The following STYX variants were observed in gnomAD, a reference collection of about 807,000 sequenced individuals.
The protein encoded by STYX is serine/threonine/tyrosine-interacting protein.
Under a neutral mutation model 42.7 loss-of-function variants are expected in STYX, and 20 were observed. The ratio of observed to expected loss-of-function variants is 0.47; its 90% CI spans 0.33 to 0.68. The LOEUF (loss-of-function observed/expected upper bound fraction) is 0.68. STYX is among the 30% of genes least tolerant of loss of function. The pLI is 0.02. For missense variants in STYX, 226 were observed against 268.5 expected, an observed-to-expected ratio of 0.84 and a Z score of 1.11; for synonymous variants, 78 against 81.9, an observed-to-expected ratio of 0.95 and a Z score of 0.26.
chr14:52,751,317 A>G (rs1319509931), intron 4 of STYX, among the ~76,000 whole-genome samples: 1 of 152,166 alleles, frequency 6.6e-6, no homozygotes, highest in Non-Finnish European at 1.5e-5. Flanking sequence ...CTATACTAAA[A>G]TTTATTCAAT....
intron 1 of STYX, among the ~76,000 whole-genome samples, chr14:52,743,689 T>C (rs1297686918): frequency 6.6e-6 from 1 of 152,194 alleles, no homozygotes. Context: ...CCTAAAATTG[T>C]TTCAAAATAA....
rs187648176 is a variant in STYX, at chr14:52,752,195, G to A, written c.242+1415G>A. Among the ~76,000 whole-genome samples the A allele has an allele frequency of 7.1e-4, 107 of 150,616 alleles. 1 individual carries two copies. The highest frequency in any genetic ancestry group is 2.6e-3 in the African/African-American group (106 of 40,952). The stretch of plus-strand genomic sequence containing the variant: ...CAAAACAAAACAAAAAAAAAACAGC[G>A]CTGTGGCTTACACCTATAATCCCAG... On this transcript the variant is annotated intron_variant, in intron 4 of 10. Coordinates refer to ENST00000354586, the MANE Select transcript of STYX (RefSeq NM_145251.4).
intron 9 of STYX, among the ~76,000 whole-genome samples, chr14:52,763,868 T>C (rs921959291): frequency 6.6e-6 from 1 of 152,350 alleles, no homozygotes; most frequent in Non-Finnish European, 1.5e-5. Flanking sequence ...TTTACTATAT[T>C]GTGTTTATTT....
At chr14:52,739,904 A>G (rs954916568) in intron 1 of STYX, among the ~76,000 whole-genome samples, 3 of 151,884 alleles carry the variant, frequency 2.0e-5, no homozygotes, top group African/African-American at 7.2e-5. Context: ...AGCCTTCCAA[A>G]GGGCTGGGAT....
intron 3 of STYX, among the ~76,000 whole-genome samples, chr14:52,748,669 G>C (rs1481251137): frequency 1.3e-5 from 2 of 152,110 alleles, no homozygotes; most frequent in African/African-American, 4.8e-5. Context: ...GCTCTATTTT[G>C]ATAGTTTATT....
intron 1 of STYX, among the ~76,000 whole-genome samples, chr14:52,741,210 T>TTA (rs537656982): frequency 0.012 from 1,758 of 143,640 alleles, 18 homozygotes; most frequent in Non-Finnish European, 0.015. Flanking sequence ...ATATATGTTT[T>TTA]TATATATATA....
At chr14:52,731,865 T>C (rs1880718358) in intron 1 of STYX, among the ~76,000 whole-genome samples, 1 of 151,504 alleles carries the variant, frequency 6.6e-6, no homozygotes, top group Admixed American at 6.6e-5. Flanking sequence ...TGATCTCGGT[T>C]CACTGCAGTC....
intron 9 of STYX, among the ~76,000 whole-genome samples, chr14:52,767,970 C>T (rs1882375322): frequency 6.6e-6 from 1 of 152,156 alleles, no homozygotes; most frequent in South Asian, 2.1e-4. Context: ...CTTAAACAGC[C>T]TGCTGCTTGC....
intron 9 of STYX, among the ~76,000 whole-genome samples, chr14:52,763,746 T>C (rs1486798071): frequency 6.6e-6 from 1 of 152,206 alleles, no homozygotes; most frequent in African/African-American, 2.4e-5. Context: ...GTAGTTGTTT[T>C]CATGAATTTT....
At position 52,730,336 on chromosome 14, in the gene STYX, T is replaced by C. The variant is rs1270523496; in HGVS notation, c.-139T>C. On this transcript the variant is annotated 5_prime_UTR_variant, in exon 1 of 11. Transcript: ENST00000354586. ...TCACTGGGACCCTGTAGTCTGCGTG[T>C]GTTAGTTGTAATCCCGCCGCCCTCC... 1 of 781,344 alleles carries C rather than the reference T, an allele frequency of 1.3e-6. No homozygotes were observed. The highest frequency in any genetic ancestry group is 2.2e-6 in the Non-Finnish European group (1 of 463,316). The allele number at this position is 781,344 out of a possible 1,614,324, so 48.4% of individuals were successfully genotyped here. A position where few individuals can be genotyped will look rare whatever the true frequency, so the allele number is the denominator to read the frequency against.
rs1290534589 is a variant in STYX at position 52,759,665 on chromosome 14, T to C, written c.432-17T>C. On this transcript the variant is annotated splice_polypyrimidine_tract_variant and intron_variant, in intron 8 of 10. Transcript: ENST00000354586. ...TTAAATAATGCTATCACATTAACACTCTTTTTCTGTTTTCAGAGATGCTTT... is the reference window on the plus strand; with the variant it reads ...TTAAATAATGCTATCACATTAACACCCTTTTTCTGTTTTCAGAGATGCTTT... 6 of 1,544,554 alleles carry C rather than the reference T, an allele frequency of 3.9e-6. No homozygotes were observed. The highest frequency in any genetic ancestry group is 5.4e-6 in the Non-Finnish European group (6 of 1,119,760).
chr14:52,738,266 G>A (rs1322344174), intron 1 of STYX, among the ~76,000 whole-genome samples: 1 of 152,136 alleles, frequency 6.6e-6, no homozygotes, highest in Non-Finnish European at 1.5e-5. Flanking sequence ...TCTGAAGAAG[G>A]CTTCTTATCT....
chr14:52,737,322 T>G (rs1182074722), intron 1 of STYX, among the ~76,000 whole-genome samples: 1 of 152,236 alleles, frequency 6.6e-6, no homozygotes, highest in African/African-American at 2.4e-5. Flanking sequence ...AAATGCAGTT[T>G]TATAGATCAT....
intron 1 of STYX, among the ~76,000 whole-genome samples, chr14:52,741,808 C>T (rs1881205320): frequency 6.6e-6 from 1 of 152,040 alleles, no homozygotes; most frequent in Admixed American, 6.6e-5. Flanking sequence ...AAATCAATTT[C>T]TTAGTCTGGT....
chr14:52,747,767 G>A (rs181015915), intron 3 of STYX, among the ~76,000 whole-genome samples: 6 of 152,154 alleles, frequency 3.9e-5, no homozygotes, highest in African/African-American at 9.7e-5. Flanking sequence ...TGAGGCAGGC[G>A]GATTACATGA....
chr14:52,739,122 A>G (rs1023145471), intron 1 of STYX, among the ~76,000 whole-genome samples: 1 of 151,202 alleles, frequency 6.6e-6, no homozygotes, highest in East Asian at 1.9e-4. Flanking sequence ...TTTTAAAAAT[A>G]CCACTTTTTT....
intron 9 of STYX, among the ~76,000 whole-genome samples, chr14:52,767,203 G>T (rs1555360383): frequency 6.6e-6 from 1 of 152,196 alleles, no homozygotes; most frequent in Non-Finnish European, 1.5e-5. Context: ...AGGAATAAGT[G>T]TAAGTGGTTT....
chr14:52,761,887 T>A (rs1594880174), intron 9 of STYX, among the ~76,000 whole-genome samples: 2 of 139,846 alleles, frequency 1.4e-5, no homozygotes, highest in Admixed American at 7.8e-5. Context: ...TCTACTAAAA[T>A]TACAAAAATT....
At chr14:52,758,662 G>A (rs572872261) in intron 8 of STYX, among the ~76,000 whole-genome samples, 9 of 152,138 alleles carry the variant, frequency 5.9e-5, no homozygotes, top group South Asian at 4.2e-4. Flanking sequence ...TGCAACCCCC[G>A]CCTCCCAGAT....
Sources: allele counts gnomAD v4.1 joint callset (sites outside exome capture counted in the v4.1 genomes callset), GRCh38; gene constraint gnomAD v4.1.1; transcripts MANE v1.5; gene names NCBI Gene and HGNC (gene_info 2026-07-23, HGNC 2026-07-21).